ODAD2: variants seen among roughly 807,000 people sequenced by gnomAD.
ODAD2 encodes outer dynein arm docking complex subunit 2.
ODAD2 carries 89 observed loss-of-function variants against 106.8 expected under a neutral mutation model. That is an observed-to-expected ratio of 0.83 (90% CI 0.70 to 0.99). The LOEUF (loss-of-function observed/expected upper bound fraction) is 0.99. Ranked by LOEUF, ODAD2 falls within the 50% of genes least tolerant of loss-of-function variation. The pLI is 0.00. For missense variants in ODAD2, 1,168 were observed against 1,238.5 expected (o/e 0.94, Z 0.85); for synonymous variants, 404 against 436.2 (o/e 0.93, Z 0.92).
intron 16 of ODAD2, among the ~76,000 whole-genome samples, chr10:27,910,161 A>T (rs1843897667): frequency 6.6e-6 from 1 of 151,688 alleles, no homozygotes; most frequent in Non-Finnish European, 1.5e-5. Context: ...TATAAATCCC[A>T]GCAAAATTAA....
intron 8 of ODAD2, among the ~76,000 whole-genome samples, chr10:27,969,973 T>C (rs1344003862): frequency 5.3e-5 from 8 of 151,806 alleles, no homozygotes. Flanking sequence ...AGCCGTGGTG[T>C]CACACACCTG....
chr10:27,812,720 AT>A, intron 19 of ODAD2, 95 bp from the exon 20 acceptor site: 6 of 1,426,824 alleles, frequency 4.2e-6, no homozygotes, highest in Non-Finnish European at 4.6e-6. Context: ...TCAATAGTAA[AT>A]TTTTTTAAAA....
intron 7 of ODAD2, among the ~76,000 whole-genome samples, chr10:27,976,632 GGATTA>G (rs1564569213): frequency 6.6e-6 from 1 of 152,084 alleles, no homozygotes; most frequent in Non-Finnish European, 1.5e-5. Flanking sequence ...CTATGTTCAT[GGATTA>G]GAAAATTCAA....
intron 10 of ODAD2, among the ~76,000 whole-genome samples, chr10:27,950,609 C>T (rs1350673339): frequency 3.3e-5 from 5 of 152,072 alleles, no homozygotes; most frequent in Non-Finnish European, 2.9e-5. Flanking sequence ...TATTTTGAGA[C>T]GGAGTCTTGC....
At chr10:27,860,001 A>G (rs572377472) in intron 19 of ODAD2, among the ~76,000 whole-genome samples, 2 of 152,336 alleles carry the variant, frequency 1.3e-5, no homozygotes, top group Non-Finnish European at 2.9e-5. Context: ...AGTAAACACT[A>G]TAGCCAATAG....
intron 12 of ODAD2, among the ~76,000 whole-genome samples, chr10:27,941,917 C>G (rs1261249865): frequency 6.6e-6 from 1 of 152,146 alleles, no homozygotes; most frequent in South Asian, 2.1e-4. Flanking sequence ...ATCCCAATTC[C>G]AAGTTCCTGG....
At position 27,895,906 on chromosome 10, in the gene ODAD2, G is replaced by A. The variant is rs150458651; in HGVS notation, c.2610+11757C>T. Among the ~76,000 whole-genome samples the A allele has an allele frequency of 3.3e-5, 5 of 152,298 alleles. No homozygotes were observed. In the East Asian group the frequency reaches 5.8e-4, roughly 18 times the overall value. ...AGAATGTGATTTGTTGTAGAAGGAC[G>A]CAAGGTGGGAGACAAATATAATATT... On this transcript the variant is annotated intron_variant, in intron 17 of 19. Coordinates refer to ENST00000305242, the MANE Select transcript of ODAD2 (RefSeq NM_018076.5).
intron 19 of ODAD2, among the ~76,000 whole-genome samples, chr10:27,817,098 A>T (rs889667677): frequency 2.0e-5 from 3 of 152,176 alleles, no homozygotes; most frequent in African/African-American, 7.2e-5. Flanking sequence ...GCATGCATAC[A>T]CACTTTTATA....
Position 27,921,745 on chromosome 10 carries a change from A to G in ODAD2, c.2495+13265T>C, listed in dbSNP as rs535889713. Among the ~76,000 whole-genome samples the G allele has an allele frequency of 7.2e-5, 11 of 152,240 alleles. No individual in the cohort carries two copies. The East Asian group carries it at 2.1e-3, about 29-fold the overall frequency. On this transcript the variant is annotated intron_variant, in intron 16 of 19. Coordinates refer to ENST00000305242, the MANE Select transcript of ODAD2 (RefSeq NM_018076.5). ...TAAAAATCCCCAGTCCAAAAAAAAAAAAATCAAGTAATTTACAAAGGCAAA... is the reference window on the plus strand; with the variant it reads ...TAAAAATCCCCAGTCCAAAAAAAAAGAAATCAAGTAATTTACAAAGGCAAA...
intron 17 of ODAD2, among the ~76,000 whole-genome samples, chr10:27,876,271 G>A (rs1279152819): frequency 1.3e-5 from 2 of 152,164 alleles, no homozygotes; most frequent in African/African-American, 2.4e-5. Flanking sequence ...TGACTCCCGA[G>A]TAGCCTAACT....
At chr10:27,947,819 C>T (rs190344770) in intron 10 of ODAD2, among the ~76,000 whole-genome samples, 5 of 152,288 alleles carry the variant, frequency 3.3e-5, no homozygotes, top group South Asian at 2.1e-4. Context: ...CCCAGGTCTA[C>T]GCAGTGAAGA....
At chr10:27,957,299 G>A (rs1328983001) in intron 10 of ODAD2, 1 of 152,204 alleles carries the variant, frequency 6.6e-6, no homozygotes, top group Non-Finnish European at 1.5e-5. Context: ...CTGCTTTCAG[G>A]GGGCTGAGAG....
At chr10:27,849,200 C>A (rs1196978319) in intron 19 of ODAD2, among the ~76,000 whole-genome samples, 1 of 152,140 alleles carries the variant, frequency 6.6e-6, no homozygotes, top group Non-Finnish European at 1.5e-5. Context: ...GGCACATATA[C>A]ACCATGGAGT....
At chr10:27,899,403 C>T (rs773901838) in intron 17 of ODAD2, among the ~76,000 whole-genome samples, 9 of 152,108 alleles carry the variant, frequency 5.9e-5, no homozygotes, top group Non-Finnish European at 1.2e-4. Flanking sequence ...AGCAGACACC[C>T]AGCTAGCTGC....
chr10:27,982,514 T>C (rs1221457710), intron 6 of ODAD2, among the ~76,000 whole-genome samples: 1 of 152,180 alleles, frequency 6.6e-6, no homozygotes, highest in Non-Finnish European at 1.5e-5. Context: ...TAAAATATCA[T>C]AAACCAAAGC....
chr10:27,814,772 C>T (rs1250212781), intron 19 of ODAD2, among the ~76,000 whole-genome samples: 1 of 152,210 alleles, frequency 6.6e-6, no homozygotes, highest in Admixed American at 6.5e-5. Flanking sequence ...AACCTCCTTA[C>T]AACATCCCTC....
rs71388944 is a variant in ODAD2 at position 27,952,074 on chromosome 10, C to CAAAAAAA, written c.1387-7119_1387-7113dup. 2.3e-3 allele frequency among the ~76,000 whole-genome samples: 103 copies of CAAAAAAA among 43,994 alleles called. 1 individual carries two copies. Among genetic ancestry groups the CAAAAAAA allele is most frequent in the African/African-American group, 7.5e-3 (95 of 12,602 alleles). The allele number at this position is 43,994 out of a possible 152,430, so 28.9% of individuals were successfully genotyped here. ...TGGGCAACAGACTGAGATGCCAACT[C>CAAAAAAA]AAAAAAAAAAAAAAAAAAGACACAC... On this transcript the variant is annotated intron_variant, in intron 10 of 19. Coordinates refer to ENST00000305242, the MANE Select transcript of ODAD2 (RefSeq NM_018076.5).
intron 17 of ODAD2, among the ~76,000 whole-genome samples, chr10:27,885,373 G>A (rs1842002533): frequency 6.8e-6 from 1 of 147,324 alleles, no homozygotes; most frequent in Non-Finnish European, 1.5e-5. Context: ...AGCCAGGCAT[G>A]GTGGCATGTG....
chr10:27,945,138 T>G (rs940177828), intron 10 of ODAD2, among the ~76,000 whole-genome samples, 176 bp from the exon 11 acceptor site: 1 of 152,188 alleles, frequency 6.6e-6, no homozygotes, highest in South Asian at 2.1e-4. Flanking sequence ...TAAAACATTG[T>G]TCCAATTAAG....
Sources: allele counts gnomAD v4.1 joint callset (sites outside exome capture counted in the v4.1 genomes callset), GRCh38; gene constraint gnomAD v4.1.1; transcripts MANE v1.5; gene names NCBI Gene and HGNC (gene_info 2026-07-23, HGNC 2026-07-21).